CNTN1: variants seen among roughly 807,000 people sequenced by gnomAD.
CNTN1 encodes the protein contactin-1.
CNTN1 carries 38 observed loss-of-function variants against 126.4 expected under a neutral mutation model. That is an observed-to-expected ratio of 0.30 (90% CI 0.23 to 0.39). The LOEUF (loss-of-function observed/expected upper bound fraction) is 0.39, where lower values mean the gene tolerates loss of function less well. Ranked by LOEUF, CNTN1 falls within the 10% of genes least tolerant of loss-of-function variation. The pLI, the probability that CNTN1 is intolerant of heterozygous loss-of-function variation, is 1.00. For missense variants in CNTN1, 1,009 were observed against 1,248.4 expected, an observed-to-expected ratio of 0.81 and a Z score of 2.89; for synonymous variants, 413 against 422.6, an observed-to-expected ratio of 0.98 and a Z score of 0.28.
chr12:40,948,475 A>C (rs1345510863), intron 14 of CNTN1, among the ~76,000 whole-genome samples: 1 of 152,006 alleles, frequency 6.6e-6, no homozygotes. Context: ...CATATTTCTC[A>C]GTTGATCTTC....
At chr12:40,983,982 TATG>T (rs1371698377) in intron 16 of CNTN1, among the ~76,000 whole-genome samples, 5 of 146,560 alleles carry the variant, frequency 3.4e-5, no homozygotes, top group South Asian at 2.1e-4. Context: ...GCATATAATA[TATG>T]ATATTAATAT....
At chr12:40,734,576 C>T (rs11178122) in intron 1 of CNTN1, among the ~76,000 whole-genome samples, 30,731 of 152,030 alleles carry the variant, frequency 0.2, 3,226 homozygotes, top group Middle Eastern at 0.28. Context: ...TCATTCAGCC[C>T]ACATTTTCTC....
chr12:41,008,295 A>G (rs1198599901), intron 17 of CNTN1, among the ~76,000 whole-genome samples: 1 of 152,228 alleles, frequency 6.6e-6, no homozygotes, highest in Non-Finnish European at 1.5e-5. Context: ...CATAGGCCAC[A>G]ATCATAACAG....
intron 19 of CNTN1, among the ~76,000 whole-genome samples, chr12:41,019,137 C>T (rs1002342988): frequency 1.3e-5 from 2 of 152,122 alleles, no homozygotes; most frequent in African/African-American, 4.8e-5. Flanking sequence ...GCCTGGGCAA[C>T]AAGAGCGAAA....
intron 1 of CNTN1, among the ~76,000 whole-genome samples, chr12:40,792,047 A>T (rs1024860327): frequency 6.6e-6 from 1 of 152,132 alleles, no homozygotes; most frequent in Non-Finnish European, 1.5e-5. Flanking sequence ...AACCTGAAGA[A>T]TTATTAGAAA....
intron 15 of CNTN1, among the ~76,000 whole-genome samples, chr12:40,968,806 A>G (rs1947395098): frequency 6.6e-6 from 1 of 152,176 alleles, no homozygotes; most frequent in South Asian, 2.1e-4. Flanking sequence ...TCCAAATTCA[A>G]CTACATGAAT....
intron 1 of CNTN1, among the ~76,000 whole-genome samples, chr12:40,858,219 C>T (rs377540888): frequency 3.3e-5 from 5 of 152,120 alleles, no homozygotes; most frequent in East Asian, 1.9e-4. Context: ...CCCAACATAG[C>T]AGCTCACTTC....
intron 14 of CNTN1, among the ~76,000 whole-genome samples, chr12:40,955,811 A>G (rs765822370): frequency 5.9e-5 from 9 of 152,146 alleles, no homozygotes; most frequent in Non-Finnish European, 1.3e-4. Context: ...CAGCCTTACA[A>G]TTTCAGATAT....
At chr12:40,806,475 A>G (rs73114713) in intron 1 of CNTN1, among the ~76,000 whole-genome samples, 3,463 of 152,190 alleles carry the variant, frequency 0.023, 128 homozygotes, top group African/African-American at 0.078. Context: ...TTTTGTAAGA[A>G]AGGAGAGTTC....
At position 40,993,732 on chromosome 12, in the gene CNTN1, G is replaced by A. The variant is rs995991883; in HGVS notation, c.2113+463G>A. ...TGGCCAAGTCGGTGGATATTTTATGGTAAATACCAACTGCAATTAAATAGT... is the reference window on the plus strand; with the variant it reads ...TGGCCAAGTCGGTGGATATTTTATGATAAATACCAACTGCAATTAAATAGT... On this transcript the variant is annotated intron_variant, in intron 17 of 23. Transcript: ENST00000551295. Among the ~76,000 whole-genome samples, 11 of 152,150 alleles carry A rather than the reference G, an allele frequency of 7.2e-5. No homozygotes were observed. The East Asian group carries it at 2.1e-3, about 29-fold the overall frequency.
At chr12:41,057,135 ATAT>A (rs1459901153) in intron 23 of CNTN1, among the ~76,000 whole-genome samples, 4 of 143,770 alleles carry the variant, frequency 2.8e-5, no homozygotes, top group Admixed American at 7.1e-5. Flanking sequence ...ATATTTATAA[ATAT>A]TATATTTAGA....
At chr12:40,779,790 A>G (rs1406234570) in intron 1 of CNTN1, among the ~76,000 whole-genome samples, 1 of 152,088 alleles carries the variant, frequency 6.6e-6, no homozygotes, top group Middle Eastern at 3.4e-3. Context: ...TGTCATTGCC[A>G]TTGATATCAA....
intron 1 of CNTN1, among the ~76,000 whole-genome samples, chr12:40,746,715 T>G (rs1257676167): frequency 6.6e-6 from 1 of 152,048 alleles, no homozygotes; most frequent in Non-Finnish European, 1.5e-5. Context: ...ATGCGCAGTG[T>G]GCTTACTGGA....
At position 40,791,093 on chromosome 12, in the gene CNTN1, G is replaced by A. The variant is rs183074367; in HGVS notation, c.-77+98501G>A. Among the ~76,000 whole-genome samples, 34 of 152,196 alleles carry A rather than the reference G, an allele frequency of 2.2e-4. No homozygotes were observed. In the East Asian group the frequency reaches 4.4e-3, roughly 20 times the overall value. On this transcript the variant is annotated intron_variant, in intron 1 of 23. Coordinates refer to ENST00000551295, the MANE Select transcript of CNTN1 (RefSeq NM_001843.4). ...TTTGTTATTACTTGTTTCCGTTAGCGTTAATAACTACCCTTTTTAAGTGCT... is the reference window on the plus strand; with the variant it reads ...TTTGTTATTACTTGTTTCCGTTAGCATTAATAACTACCCTTTTTAAGTGCT...
intron 23 of CNTN1, among the ~76,000 whole-genome samples, chr12:41,052,763 A>C (rs1949716419): frequency 6.6e-6 from 1 of 152,128 alleles, no homozygotes; most frequent in Non-Finnish European, 1.5e-5. Context: ...AATATCTGGA[A>C]GACTTCAATA....
At chr12:41,025,452 C>G in intron 21 of CNTN1, 116 bp downstream of exon 21, 1 of 949,230 alleles carries the variant, frequency 1.1e-6, no homozygotes, top group Non-Finnish European at 1.7e-6. Flanking sequence ...TTTTCAATAT[C>G]CTTTACAGCC....
At chr12:40,928,643 A>G (rs750853659) in intron 6 of CNTN1, among the ~76,000 whole-genome samples, 1 of 152,100 alleles carries the variant, frequency 6.6e-6, no homozygotes, top group Non-Finnish European at 1.5e-5. Context: ...GAATATAATC[A>G]TATTCACTGC....
chr12:40,767,142 A>G (rs1272622522), intron 1 of CNTN1, among the ~76,000 whole-genome samples: 1 of 152,210 alleles, frequency 6.6e-6, no homozygotes, highest in African/African-American at 2.4e-5. Context: ...TAATATGATC[A>G]AGGAGAGTAT....
chr12:40,982,786 T>C (rs1947852790), intron 16 of CNTN1, among the ~76,000 whole-genome samples: 1 of 151,996 alleles, frequency 6.6e-6, no homozygotes, highest in Admixed American at 6.6e-5. Flanking sequence ...AGTCATGTGG[T>C]GATGAATGCT....
Sources: gnomAD v4.1 joint callset for allele counts (sites outside exome capture counted in the v4.1 genomes callset) on GRCh38, gnomAD v4.1.1 for gene constraint, MANE v1.5 for transcripts, NCBI Gene and HGNC (gene_info 2026-07-23, HGNC 2026-07-21) for gene names.